LSAMP: variants seen among roughly 807,000 people sequenced by gnomAD.
LSAMP encodes limbic system associated membrane protein.
Under a neutral mutation model 38.6 loss-of-function variants are expected in LSAMP, and 7 were observed. The ratio of observed to expected loss-of-function variants is 0.18; its 90% CI spans 0.10 to 0.34. The LOEUF (loss-of-function observed/expected upper bound fraction) is 0.34. Among genes scored for constraint, LSAMP ranks in the 10% least tolerant of loss-of-function variants. The pLI is 1.00. For synonymous variants in LSAMP, 154 were observed against 166.8 expected, an observed-to-expected ratio of 0.92 and a Z score of 0.59; for missense variants, 313 against 420.0, an observed-to-expected ratio of 0.75 and a Z score of 2.23.
At chr3:115,944,458 T>C (rs1017354014) in intron 3 of LSAMP, among the ~76,000 whole-genome samples, 14 of 152,142 alleles carry the variant, frequency 9.2e-5, no homozygotes, top group African/African-American at 3.1e-4. Context: ...CATCCTCTTA[T>C]AGTTTAATTG....
intron 3 of LSAMP, among the ~76,000 whole-genome samples, chr3:116,012,421 C>T (rs751505103): frequency 1.3e-4 from 20 of 152,034 alleles, no homozygotes; most frequent in Admixed American, 3.9e-4. Flanking sequence ...TTGTAATTCA[C>T]CATTATGGGT....
rs369856829 is a variant in LSAMP, at chr3:116,128,896, A to G, written c.156-42340T>C. Among the ~76,000 whole-genome samples the G allele has an allele frequency of 3.3e-5, 5 of 152,322 alleles. No homozygotes were observed. The East Asian group carries it at 7.7e-4, about 24-fold the overall frequency. ...AATGTGTCACTAATATTTTTGCTCA[A>G]TGCCATTCATATATTACCTGAGTTA... is the stretch of plus-strand genomic sequence containing the variant. On this transcript the variant is annotated intron_variant, in intron 1 of 6. Transcript: ENST00000490035.
chr3:116,268,306 CA>C (rs1318578332), intron 1 of LSAMP, among the ~76,000 whole-genome samples: 1 of 151,962 alleles, frequency 6.6e-6, no homozygotes, highest in East Asian at 1.9e-4. Context: ...TCATGTACAC[CA>C]CAAATGCTCC....
chr3:115,960,670 C>T (rs1414889350), intron 3 of LSAMP, among the ~76,000 whole-genome samples: 3 of 152,120 alleles, frequency 2.0e-5, no homozygotes, highest in Non-Finnish European at 4.4e-5. Flanking sequence ...GCATGGCTTT[C>T]CACTTGCACT....
chr3:115,882,692 T>C (rs796384896), intron 3 of LSAMP, among the ~76,000 whole-genome samples: 8 of 152,212 alleles, frequency 5.3e-5, no homozygotes, highest in African/African-American at 1.2e-4. Context: ...ATATGTCACA[T>C]TGACATAAAG....
rs187651841 is a variant in LSAMP at position 116,415,040 on chromosome 3, C to T, written c.155+29837G>A. 3.6e-3 allele frequency among the ~76,000 whole-genome samples: 553 copies of T among 151,976 alleles called. 4 individuals are homozygous for T. Among genetic ancestry groups the T allele is most frequent in the Non-Finnish European group, 5.5e-3 (372 of 67,922 alleles). On this transcript the variant is annotated intron_variant, in intron 1 of 6. Transcript: ENST00000490035. ...ATCTCCCCTTGCTTGTCCAGTTTTT[C>T]TTCCAAAGATTTTGCTTACCTCTGC... is the stretch of plus-strand genomic sequence containing the variant.
intron 3 of LSAMP, among the ~76,000 whole-genome samples, chr3:115,875,817 G>A (rs1031630937): frequency 3.9e-5 from 6 of 152,014 alleles, no homozygotes; most frequent in Non-Finnish European, 8.8e-5. Flanking sequence ...AGTGGAAATA[G>A]ATATATATTT....
intron 1 of LSAMP, among the ~76,000 whole-genome samples, chr3:116,187,821 T>C (rs1710657444): frequency 6.6e-6 from 1 of 152,058 alleles, no homozygotes; most frequent in Non-Finnish European, 1.5e-5. Context: ...TGTTCAGGGG[T>C]ACATGTGCAG....
intron 3 of LSAMP, among the ~76,000 whole-genome samples, chr3:116,010,618 G>A (rs1436454024): frequency 1.3e-5 from 2 of 152,162 alleles, no homozygotes; most frequent in African/African-American, 2.4e-5. Flanking sequence ...GGGAGGATTC[G>A]CCATAGAACA....
At chr3:116,387,760 T>G (rs116022717) in intron 1 of LSAMP, among the ~76,000 whole-genome samples, 18 of 152,242 alleles carry the variant, frequency 1.2e-4, no homozygotes, top group Admixed American at 1.2e-3. Flanking sequence ...ATGCATATAG[T>G]TGTAGATACA....
At chr3:116,262,959 G>A (rs931239118) in intron 1 of LSAMP, among the ~76,000 whole-genome samples, 1 of 152,174 alleles carries the variant, frequency 6.6e-6, no homozygotes, top group African/African-American at 2.4e-5. Flanking sequence ...TCAGTGAGAA[G>A]AAGGTTAAAA....
intron 1 of LSAMP, among the ~76,000 whole-genome samples, chr3:116,388,003 C>T (rs1438740347): frequency 5.3e-5 from 8 of 151,872 alleles, no homozygotes; most frequent in Non-Finnish European, 1.2e-4. Flanking sequence ...ACTCGGGAGG[C>T]TGAGGCAGGA....
At chr3:116,297,647 G>A (rs1049694563) in intron 1 of LSAMP, among the ~76,000 whole-genome samples, 16 of 151,888 alleles carry the variant, frequency 1.1e-4, no homozygotes, top group African/African-American at 2.9e-4. Context: ...GTCTTATCCT[G>A]GAAATGTCTT....
rs374542146 is a variant in LSAMP at position 116,164,760 on chromosome 3, A to ATATATATAT, written c.156-78205_156-78204insATATATATA. Among the ~76,000 whole-genome samples the ATATATATAT allele has an allele frequency of 1.9e-3, 173 of 91,584 alleles. 1 individual carries two copies. The highest frequency in any genetic ancestry group is 6.7e-3 in the East Asian group (22 of 3,270). The allele number at this position is 91,584 out of a possible 152,430, so 60.1% of individuals were successfully genotyped here. On this transcript the variant is annotated intron_variant, in intron 1 of 6. Transcript: ENST00000490035. Reference sequence around the variant, plus strand: ...TATATATCCATATATATATATATATATTTTTTTTTTTTTTCAAGTAGCATC... The same window carrying ATATATATAT: ...TATATATCCATATATATATATATATATATATATATTTTTTTTTTTTTTTCAAGTAGCATC...
At chr3:115,932,669 C>G (rs1423904739) in intron 3 of LSAMP, among the ~76,000 whole-genome samples, 1 of 152,138 alleles carries the variant, frequency 6.6e-6, no homozygotes, top group Non-Finnish European at 1.5e-5. Flanking sequence ...AGAATTATAA[C>G]CCATGGAATG....
At chr3:116,101,041 G>A (rs1354412204) in intron 1 of LSAMP, among the ~76,000 whole-genome samples, 2 of 152,066 alleles carry the variant, frequency 1.3e-5, no homozygotes, top group East Asian at 3.9e-4. Flanking sequence ...TTAAGAGTGG[G>A]CCCAAACCAT....
intron 1 of LSAMP, among the ~76,000 whole-genome samples, chr3:116,335,613 G>A (rs79649337): frequency 0.026 from 3,937 of 152,078 alleles, 163 homozygotes; most frequent in African/African-American, 0.086. Flanking sequence ...CCTATCATCT[G>A]TTCATCAGGA....
intron 3 of LSAMP, among the ~76,000 whole-genome samples, chr3:115,961,387 C>T (rs926414357): frequency 3.3e-5 from 5 of 152,180 alleles, no homozygotes; most frequent in Admixed American, 6.5e-5. Context: ...GGATGAGCTA[C>T]AACTTTAGGT....
chr3:116,295,410 A>C (rs1236979386), intron 1 of LSAMP, among the ~76,000 whole-genome samples: 1 of 152,164 alleles, frequency 6.6e-6, no homozygotes. Flanking sequence ...ATCTATTTAA[A>C]ATTTGCTAGC....
Sources: allele counts gnomAD v4.1 joint callset (sites outside exome capture counted in the v4.1 genomes callset), GRCh38; gene constraint gnomAD v4.1.1; transcripts MANE v1.5; gene names NCBI Gene and HGNC (gene_info 2026-07-23, HGNC 2026-07-21).